FOXN3: variants seen among roughly 807,000 people sequenced by gnomAD.
The protein encoded by FOXN3 is forkhead box N3, also known as forkhead box protein N3.
In FOXN3, 7 loss-of-function variants were observed where a neutral mutation model predicts 38.4. The observed-to-expected ratio is 0.18, with a 90% confidence interval of 0.10 to 0.34. The LOEUF (loss-of-function observed/expected upper bound fraction) is 0.34, where lower values mean the gene tolerates loss of function less well. FOXN3 is among the 10% of genes least tolerant of loss of function. FOXN3 has a pLI of 1.00. For synonymous variants in FOXN3, 230 were observed against 242.2 expected (o/e 0.95, Z 0.47); for missense variants, 456 against 613.4 (o/e 0.74, Z 2.71).
intron 1 of FOXN3, among the ~76,000 whole-genome samples, chr14:89,511,215 CTT>C (rs1373301687): frequency 0.016 from 144 of 8,730 alleles, 18 homozygotes; most frequent in African/African-American, 0.022. Context: ...TTCTTTCTTT[CTT>C]TCTTTCTTTC....
intron 4 of FOXN3, among the ~76,000 whole-genome samples, chr14:89,192,392 C>T (rs8003013): frequency 0.064 from 9,245 of 143,540 alleles, 702 homozygotes; most frequent in African/African-American, 0.18. Flanking sequence ...AGTTAATATA[C>T]AAACTACAAA....
In FOXN3 at chr14:89,399,654, C is replaced by G. The variant is rs548423418; in HGVS notation, c.543+12280G>C. On this transcript the variant is annotated intron_variant, in intron 2 of 5. Coordinates refer to ENST00000557258, the MANE Select transcript of FOXN3 (RefSeq NM_005197.4). ...TCTTGTAATCTATTTCAACTGACAG[C>G]GACTACTTTTGTCTGATTTATTACA... 2.5e-4 allele frequency among the ~76,000 whole-genome samples: 38 copies of G among 152,148 alleles called. 1 individual carries two copies. Among genetic ancestry groups the G allele is most frequent in the Non-Finnish European group, 1.3e-4 (9 of 68,040 alleles).
chr14:89,579,561 A>G (rs1161764150), intron 1 of FOXN3, among the ~76,000 whole-genome samples: 1 of 152,206 alleles, frequency 6.6e-6, no homozygotes, highest in South Asian at 2.1e-4. Context: ...TCTCTTGCCC[A>G]TAAGCCCTGA....
intron 1 of FOXN3, among the ~76,000 whole-genome samples, chr14:89,539,774 T>C (rs924301710): frequency 6.6e-6 from 1 of 152,176 alleles, no homozygotes. Context: ...CGTGAGACAC[T>C]GATGGGTGAC....
chr14:89,379,418 T>C (rs532561812), intron 2 of FOXN3, among the ~76,000 whole-genome samples: 64 of 152,230 alleles, frequency 4.2e-4, no homozygotes, highest in African/African-American at 1.5e-3. Context: ...TCCTGTGTAT[T>C]GTAGGACACT....
At chr14:89,477,399 A>G (rs1011074144) in intron 1 of FOXN3, among the ~76,000 whole-genome samples, 1 of 152,224 alleles carries the variant, frequency 6.6e-6, no homozygotes. Flanking sequence ...GGGTGTTATA[A>G]AGCCATCTTA....
At chr14:89,447,886 C>T (rs1452110138) in intron 1 of FOXN3, among the ~76,000 whole-genome samples, 12 of 131,214 alleles carry the variant, frequency 9.1e-5, no homozygotes, top group East Asian at 4.6e-4. Context: ...GGCACCATCT[C>T]GGCTCACTGC....
At chr14:89,465,973 A>T (rs1257050661) in intron 1 of FOXN3, among the ~76,000 whole-genome samples, 3 of 152,174 alleles carry the variant, frequency 2.0e-5, no homozygotes, top group Non-Finnish European at 4.4e-5. Context: ...TCCCATCTCC[A>T]TCTCATTAGC....
intron 3 of FOXN3, among the ~76,000 whole-genome samples, chr14:89,307,615 CTCCATTT>C (rs552959081): frequency 1.8e-4 from 27 of 152,240 alleles, no homozygotes; most frequent in Non-Finnish European, 3.8e-4. Flanking sequence ...CCCTTCGGTT[CTCCATTT>C]ACCGAGCCAC....
chr14:89,479,360 A>AAGG (rs1357216392), intron 1 of FOXN3, among the ~76,000 whole-genome samples: 6 of 152,138 alleles, frequency 3.9e-5, no homozygotes, highest in Non-Finnish European at 1.5e-5. Flanking sequence ...CACTGCAACA[A>AAGG]AGGACCCTGT....
At chr14:89,182,343 C>T (rs1887695659) in intron 4 of FOXN3, among the ~76,000 whole-genome samples, 1 of 152,086 alleles carries the variant, frequency 6.6e-6, no homozygotes. Context: ...ATAATTTTTG[C>T]CATTTATTTT....
chr14:89,467,800 C>CTTTCTTTTTTTTTTTT (rs1383456566), intron 1 of FOXN3, among the ~76,000 whole-genome samples: 2 of 57,896 alleles, frequency 3.5e-5, no homozygotes, highest in African/African-American at 1.1e-4. Flanking sequence ...TCTTTTCTTT[C>CTTTCTTTTTTTTTTTT]TTTGTTTTTT....
intron 2 of FOXN3, among the ~76,000 whole-genome samples, chr14:89,363,439 C>CCA (rs1889958575): frequency 6.6e-6 from 1 of 152,234 alleles, no homozygotes; most frequent in Admixed American, 6.5e-5. Context: ...GAAAGAATCC[C>CCA]CACATGTAGC....
chr14:89,428,957 G>A (rs75281015), intron 1 of FOXN3, among the ~76,000 whole-genome samples: 8,793 of 152,238 alleles, frequency 0.058, 806 homozygotes, highest in African/African-American at 0.2. Context: ...CATGACATCC[G>A]TTCCAAAGAA....
chr14:89,448,913 C>T (rs751562094), intron 1 of FOXN3, among the ~76,000 whole-genome samples: 2 of 151,288 alleles, frequency 1.3e-5, no homozygotes, highest in African/African-American at 2.4e-5. Flanking sequence ...CACTGCACTC[C>T]AGCCTGGGCA....
At chr14:89,173,818 C>T (rs1370033883) in intron 5 of FOXN3, among the ~76,000 whole-genome samples, 1 of 152,046 alleles carries the variant, frequency 6.6e-6, no homozygotes, top group African/African-American at 2.4e-5. Context: ...TGGCAAGATG[C>T]CATCTTTACA....
At chr14:89,507,122 TA>T (rs11385288) in intron 1 of FOXN3, among the ~76,000 whole-genome samples, 25 of 124,244 alleles carry the variant, frequency 2.0e-4, no homozygotes, top group African/African-American at 6.8e-4. Context: ...GAATGATCAA[TA>T]AAAAAAAAAA....
chr14:89,508,313 C>G (rs1893991177), intron 1 of FOXN3, among the ~76,000 whole-genome samples: 1 of 152,114 alleles, frequency 6.6e-6, no homozygotes, highest in Middle Eastern at 3.2e-3. Context: ...TATGTGCACA[C>G]AGAGAAGGCA....
intron 1 of FOXN3, among the ~76,000 whole-genome samples, chr14:89,499,172 G>T (rs867263122): frequency 6.6e-6 from 1 of 151,772 alleles, no homozygotes; most frequent in Non-Finnish European, 1.5e-5. Context: ...TGCCTGTCAG[G>T]GTATCAGCGG....
Sources: allele counts gnomAD v4.1 joint callset (sites outside exome capture counted in the v4.1 genomes callset), GRCh38; gene constraint gnomAD v4.1.1; transcripts MANE v1.5; gene names NCBI Gene and HGNC (gene_info 2026-07-23, HGNC 2026-07-21).